Variants in SYNE2 observed in about 807,000 individuals in gnomAD.
SYNE2 encodes nesprin-2.
In SYNE2, 431 loss-of-function variants were observed where a neutral mutation model predicts 856.3. That is an observed-to-expected ratio of 0.50 (90% CI 0.47 to 0.55). SYNE2 has a LOEUF of 0.55. Ranked by LOEUF, SYNE2 falls within the 20% of genes least tolerant of loss-of-function variation. The pLI is 0.00. For missense variants in SYNE2, 8,129 were observed against 8,023.2 expected (o/e 1.01, Z -0.50); for synonymous variants, 2,923 against 2,872.3 (o/e 1.02, Z -0.56).
chr14:63,810,705 A>T (rs1386695095), intron 1 of SYNE2, among the ~76,000 whole-genome samples: 1 of 152,196 alleles, frequency 6.6e-6, no homozygotes, highest in Non-Finnish European at 1.5e-5. Context: ...TGTTTTCCAG[A>T]TTTAAGGAAG....
intron 1 of SYNE2, among the ~76,000 whole-genome samples, chr14:63,763,178 G>A (rs1886553241): frequency 6.6e-6 from 1 of 152,016 alleles, no homozygotes; most frequent in Admixed American, 6.6e-5. Flanking sequence ...ATATTGGTCA[G>A]GCTGGTCTCA....
At chr14:64,098,244 G>T in intron 62 of SYNE2, 98 bp downstream of exon 62, 1 of 1,334,854 alleles carries the variant, frequency 7.5e-7, no homozygotes. Context: ...TATGTCTATG[G>T]CCTGTAGTAA....
intron 87 of SYNE2, among the ~76,000 whole-genome samples, chr14:64,159,760 C>T (rs2098313750): frequency 6.6e-6 from 1 of 152,108 alleles, no homozygotes; most frequent in Admixed American, 6.5e-5. Flanking sequence ...CAGAAACAGA[C>T]AAAGGAGTGG....
intron 2 of SYNE2, among the ~76,000 whole-genome samples, chr14:63,938,297 A>T (rs2095857752): frequency 6.6e-6 from 1 of 152,146 alleles, no homozygotes; most frequent in South Asian, 2.1e-4. Context: ...TCTACAAAAA[A>T]TTTAAAAAAT....
intron 1 of SYNE2, among the ~76,000 whole-genome samples, chr14:63,772,011 G>GA (rs1232366051): frequency 6.6e-6 from 1 of 152,170 alleles, no homozygotes; most frequent in Non-Finnish European, 1.5e-5. Context: ...GCTAAATGGG[G>GA]AAAAAACTAT....
chr14:64,032,133 A>G (rs1339107039), intron 45 of SYNE2, among the ~76,000 whole-genome samples: 1 of 152,184 alleles, frequency 6.6e-6, no homozygotes, highest in Non-Finnish European at 1.5e-5. Context: ...ATGCACTTTT[A>G]TTGTCTCCGT....
At chr14:64,204,504 G>A (rs992288575) in intron 100 of SYNE2, 2 of 152,182 alleles carry the variant, frequency 1.3e-5, no homozygotes, top group African/African-American at 2.4e-5. Context: ...TAAATCCGAA[G>A]TGTGACAGAA....
At chr14:63,875,406 T>C (rs1397307533) in intron 1 of SYNE2, among the ~76,000 whole-genome samples, 2 of 152,192 alleles carry the variant, frequency 1.3e-5, no homozygotes, top group Non-Finnish European at 2.9e-5. Flanking sequence ...CAAAACCCTT[T>C]ACAGATACTA....
intron 1 of SYNE2, among the ~76,000 whole-genome samples, chr14:63,889,620 A>G (rs2095080622): frequency 6.6e-6 from 1 of 151,848 alleles, no homozygotes; most frequent in African/African-American, 2.4e-5. Context: ...GGAACCACAG[A>G]TGCAGGCCAT....
rs1170421871 is a variant in SYNE2 at position 64,056,115 on chromosome 14, A to G, written c.9916A>G (p.Thr3306Ala). 1 of 1,614,202 alleles carries G rather than the reference A, an allele frequency of 6.2e-7. No homozygotes were observed. Among genetic ancestry groups the G allele is most frequent in the South Asian group, 1.1e-5 (1 of 91,084 alleles). Reference protein sequence around the residue: ...PLRKQEELESTVAHIQDLTEK... With the variant: ...PLRKQEELESAVAHIQDLTEK... ...TCGAAAACAAGAGGAATTGGAATCC[A>G]CAGTAGCACACATCCAGGACCTCAC... The change falls in exon 49 of 116, where the codon ACA becomes GCA. Residue 3306 changes from threonine (T) to alanine (A), a missense_variant. Coordinates refer to ENST00000555002, the MANE Select transcript of SYNE2 (RefSeq NM_182914.3).
intron 93 of SYNE2, 71 bp downstream of exon 93, chr14:64,169,042 C>T (rs1439083557): frequency 8.1e-7 from 1 of 1,228,902 alleles, no homozygotes; most frequent in East Asian, 2.4e-5. Context: ...GCAGGCTTTC[C>T]ACCATGTGAA....
chr14:64,222,494 C>G (rs990936894), intron 112 of SYNE2, among the ~76,000 whole-genome samples: 1 of 152,172 alleles, frequency 6.6e-6, no homozygotes, highest in Non-Finnish European at 1.5e-5. Flanking sequence ...CGCCTGAGGT[C>G]AGGAGTTCAA....
At chr14:64,220,317 T>C (rs1859474541) in intron 110 of SYNE2, 120 bp from the exon 111 acceptor site, 1 of 1,133,150 alleles carries the variant, frequency 8.8e-7, no homozygotes, top group African/African-American at 1.5e-5. Context: ...GAGGTCACTC[T>C]CATTTCTGTG....
At chr14:63,983,659 A>G (rs2096603483) in intron 17 of SYNE2, 78 bp from the exon 18 acceptor site, 2 of 1,207,034 alleles carry the variant, frequency 1.7e-6, no homozygotes, top group Non-Finnish European at 2.4e-6. Flanking sequence ...AATATATTAC[A>G]TCCACTTACT....
At chr14:64,198,001 C>G (rs1438083298) in intron 99 of SYNE2, among the ~76,000 whole-genome samples, 2 of 152,178 alleles carry the variant, frequency 1.3e-5, no homozygotes, top group Non-Finnish European at 2.9e-5. Flanking sequence ...TGCTTTTGTT[C>G]AGGTCTCCCA....
chr14:64,026,266 A>G (rs2096977601), intron 41 of SYNE2, among the ~76,000 whole-genome samples: 1 of 152,240 alleles, frequency 6.6e-6, no homozygotes, highest in Non-Finnish European at 1.5e-5. Context: ...GATTGTTATC[A>G]TAACTCTCCA....
chr14:64,189,834 G>C (rs2139610484), intron 98 of SYNE2, among the ~76,000 whole-genome samples: 1 of 152,202 alleles, frequency 6.6e-6, no homozygotes, highest in African/African-American at 2.4e-5. Flanking sequence ...AGCATACCTT[G>C]CTAGTGTTTT....
chr14:64,174,216 C>T (rs2098423758), intron 94 of SYNE2, among the ~76,000 whole-genome samples: 1 of 152,060 alleles, frequency 6.6e-6, no homozygotes, highest in Non-Finnish European at 1.5e-5. Context: ...GAATTACAGG[C>T]ATCCACCACC....
chr14:64,044,610 TC>T (rs534126625), intron 45 of SYNE2, among the ~76,000 whole-genome samples: 211 of 152,264 alleles, frequency 1.4e-3, no homozygotes, highest in Admixed American at 4.6e-3. Context: ...GAATTGTAAC[TC>T]CCACAATTCC....
Sources: allele counts gnomAD v4.1 joint callset (sites outside exome capture counted in the v4.1 genomes callset), GRCh38; gene constraint gnomAD v4.1.1; transcripts MANE v1.5; gene names NCBI Gene and HGNC (gene_info 2026-07-23, HGNC 2026-07-21).